DACH1: variants seen among roughly 807,000 people sequenced by gnomAD.
DACH1 encodes the protein dachshund homolog 1.
Under a neutral mutation model 54.2 loss-of-function variants are expected in DACH1, and 12 were observed. That is an observed-to-expected ratio of 0.22 (90% CI 0.14 to 0.36). The LOEUF (loss-of-function observed/expected upper bound fraction) is 0.36. Among genes scored for constraint, DACH1 ranks in the 10% least tolerant of loss-of-function variants. The pLI is 1.00. For missense variants in DACH1, 805 were observed against 929.8 expected (o/e 0.87, Z 1.75); for synonymous variants, 386 against 366.2 (o/e 1.05, Z -0.62).
chr13:71,588,250 T>C (rs1463168004), intron 3 of DACH1, among the ~76,000 whole-genome samples: 1 of 152,110 alleles, frequency 6.6e-6, no homozygotes, highest in Non-Finnish European at 1.5e-5. Flanking sequence ...GACATCATCA[T>C]GTAAAAAGAC....
At chr13:71,775,977 TA>T (rs1220127411) in intron 1 of DACH1, among the ~76,000 whole-genome samples, 1 of 152,090 alleles carries the variant, frequency 6.6e-6, no homozygotes, top group African/African-American at 2.4e-5. Flanking sequence ...GTATAAGAAT[TA>T]AAAATGAATT....
At chr13:71,445,491 T>C (rs1874371187) in intron 10 of DACH1, among the ~76,000 whole-genome samples, 1 of 152,172 alleles carries the variant, frequency 6.6e-6, no homozygotes, top group Non-Finnish European at 1.5e-5. Context: ...GCATTAAAGA[T>C]GTCAGCTATA....
chr13:71,842,180 T>C (rs775889391), intron 1 of DACH1, among the ~76,000 whole-genome samples: 7 of 152,210 alleles, frequency 4.6e-5, no homozygotes, highest in Non-Finnish European at 1.0e-4. Context: ...AAGACTGCTA[T>C]GAGGATTAAG....
chr13:71,820,773 A>T (rs1481764108), intron 1 of DACH1, among the ~76,000 whole-genome samples: 1 of 152,218 alleles, frequency 6.6e-6, no homozygotes, highest in Non-Finnish European at 1.5e-5. Flanking sequence ...CGGAGAAAGG[A>T]TAGGATTGTC....
chr13:71,784,739 A>G (rs1886521653), intron 1 of DACH1, among the ~76,000 whole-genome samples: 2 of 152,174 alleles, frequency 1.3e-5, no homozygotes, highest in Non-Finnish European at 2.9e-5. Flanking sequence ...AAACAGAGAT[A>G]AATCCCCTGC....
At chr13:71,602,699 A>T (rs80130059) in intron 3 of DACH1, among the ~76,000 whole-genome samples, 15,579 of 152,066 alleles carry the variant, frequency 0.1, 1,506 homozygotes, top group East Asian at 0.42. Context: ...TGTTTTAGAC[A>T]TGCAAATCTT....
intron 3 of DACH1, among the ~76,000 whole-genome samples, chr13:71,586,684 G>A (rs1188314042): frequency 6.6e-6 from 1 of 151,566 alleles, no homozygotes; most frequent in African/African-American, 2.4e-5. Flanking sequence ...AATACTATAG[G>A]GAATTGCATA....
At chr13:71,784,869 T>A (rs979237389) in intron 1 of DACH1, among the ~76,000 whole-genome samples, 1 of 152,188 alleles carries the variant, frequency 6.6e-6, no homozygotes, top group Non-Finnish European at 1.5e-5. Context: ...CTTGCTGAAT[T>A]ATCTAGATCT....
In DACH1 at chr13:71,565,881, G is replaced by A. The variant is rs139821494; in HGVS notation, c.1300-5926C>T. Reference sequence around the variant, plus strand: ...TTCACATAGCCTTGTAACTTTTTAGGTTGCTATTTGATAATATAAATTTGC... The same window carrying A: ...TTCACATAGCCTTGTAACTTTTTAGATTGCTATTTGATAATATAAATTTGC... On this transcript the variant is annotated intron_variant, in intron 4 of 10. Coordinates refer to ENST00000613252, the MANE Select transcript of DACH1 (RefSeq NM_080759.6). Among the ~76,000 whole-genome samples, 351 of 152,176 alleles carry A rather than the reference G, an allele frequency of 2.3e-3. 3 individuals carry two copies. The highest frequency in any genetic ancestry group is 7.6e-3 in the African/African-American group (316 of 41,516).
intron 3 of DACH1, among the ~76,000 whole-genome samples, chr13:71,610,235 A>T (rs1209472625): frequency 6.6e-6 from 1 of 152,208 alleles, no homozygotes; most frequent in East Asian, 1.9e-4. Flanking sequence ...CTGATCTGAT[A>T]TTAAATGAGA....
intron 3 of DACH1, among the ~76,000 whole-genome samples, chr13:71,623,834 A>T (rs1245749422): frequency 6.6e-6 from 1 of 151,712 alleles, no homozygotes; most frequent in Non-Finnish European, 1.5e-5. Context: ...CTGCTCCCCT[A>T]CCTGAGTTTT....
At chr13:71,622,037 G>A (rs1876285422) in intron 3 of DACH1, among the ~76,000 whole-genome samples, 1 of 151,634 alleles carries the variant, frequency 6.6e-6, no homozygotes, top group Admixed American at 6.6e-5. Flanking sequence ...GGCATAAAGA[G>A]CACGCAAAAC....
At chr13:71,731,654 A>G (rs1191541578) in intron 1 of DACH1, among the ~76,000 whole-genome samples, 1 of 152,198 alleles carries the variant, frequency 6.6e-6, no homozygotes, top group Non-Finnish European at 1.5e-5. Flanking sequence ...TTGTAATATT[A>G]ACACTCAAAT....
intron 2 of DACH1, among the ~76,000 whole-genome samples, chr13:71,662,757 T>A (rs566664030): frequency 1.3e-5 from 2 of 152,096 alleles, no homozygotes; most frequent in South Asian, 2.1e-4. Flanking sequence ...ACAAATGAAG[T>A]TTTGAGTTGA....
chr13:71,809,044 G>A (rs929217630), intron 1 of DACH1, among the ~76,000 whole-genome samples: 9 of 152,108 alleles, frequency 5.9e-5, no homozygotes, highest in East Asian at 1.9e-4. Flanking sequence ...TGCTTTAAGC[G>A]TTTCAATAGG....
intron 6 of DACH1, among the ~76,000 whole-genome samples, chr13:71,518,959 C>T (rs565382529): frequency 1.8e-4 from 27 of 151,870 alleles, no homozygotes; most frequent in East Asian, 1.6e-3. Context: ...TTTCAAGATC[C>T]GTAAAGTTTT....
chr13:71,800,375 C>T (rs955049027), intron 1 of DACH1, among the ~76,000 whole-genome samples: 1 of 152,022 alleles, frequency 6.6e-6, no homozygotes, highest in African/African-American at 2.4e-5. Context: ...AGGGAAAACA[C>T]AAGAGTTTGG....
At chr13:71,523,008 C>A (rs559303764) in intron 6 of DACH1, among the ~76,000 whole-genome samples, 1 of 151,982 alleles carries the variant, frequency 6.6e-6, no homozygotes, top group Non-Finnish European at 1.5e-5. Flanking sequence ...CATTGCTCTG[C>A]AATTACTGAA....
chr13:71,529,413 T>C (rs1191046201), intron 6 of DACH1, among the ~76,000 whole-genome samples: 3 of 151,976 alleles, frequency 2.0e-5, no homozygotes, highest in Non-Finnish European at 2.9e-5. Flanking sequence ...TCTCCATCTC[T>C]TGACCTCAAA....
Sources: gnomAD v4.1 joint callset for allele counts (sites outside exome capture counted in the v4.1 genomes callset) on GRCh38, gnomAD v4.1.1 for gene constraint, MANE v1.5 for transcripts, NCBI Gene and HGNC (gene_info 2026-07-23, HGNC 2026-07-21) for gene names.